The following NRXN3 variants were observed in gnomAD, a reference collection of about 807,000 sequenced individuals.
The protein encoded by NRXN3 is neurexin III.
Under a neutral mutation model 137.6 loss-of-function variants are expected in NRXN3, and 32 were observed. The ratio of observed to expected loss-of-function variants is 0.23; its 90% CI spans 0.18 to 0.31. NRXN3 has a LOEUF of 0.31. Ranked by LOEUF, NRXN3 falls within the 10% of genes least tolerant of loss-of-function variation. NRXN3 has a pLI of 1.00. For missense variants in NRXN3, 1,574 were observed against 2,062.5 expected (o/e 0.76, Z 4.59); for synonymous variants, 798 against 784.5 (o/e 1.02, Z -0.29).
intron 20 of NRXN3, among the ~76,000 whole-genome samples, chr14:79,806,963 T>TATATATATATATATATATATA (rs59533138): frequency 1.0e-4 from 2 of 19,632 alleles, no homozygotes; most frequent in African/African-American, 4.5e-4. Flanking sequence ...TATATATATA[T>TATATATATATATATATATATA]TTTTTTTTTT....
chr14:79,804,983 G>C (rs2099198258), intron 19 of NRXN3, 129 bp from the exon 20 acceptor site: 1 of 661,952 alleles, frequency 1.5e-6, no homozygotes, highest in African/African-American at 1.8e-5. Flanking sequence ...GCCCTCTCTA[G>C]AAAAATAATC....
chr14:79,427,538 C>T lies in NRXN3; in HGVS notation c.3263-39683C>T, dbSNP rs75594980. Among the ~76,000 whole-genome samples the T allele has an allele frequency of 2.4e-3, 372 of 152,210 alleles. 9 individuals carry two copies. In the East Asian group the frequency reaches 0.054, roughly 22 times the overall value. Reference sequence around the variant, plus strand: ...GGTGAGTAAAAAATTAAAGTCTGGACGCAGTGGCTCACGCCTGTAATCCCA... The same window carrying T: ...GGTGAGTAAAAAATTAAAGTCTGGATGCAGTGGCTCACGCCTGTAATCCCA... On this transcript the variant is annotated intron_variant, in intron 15 of 20. Transcript: ENST00000335750.
intron 15 of NRXN3, chr14:79,279,526 T>C (rs1414045169): frequency 1.3e-5 from 13 of 986,044 alleles, no homozygotes; most frequent in Non-Finnish European, 1.6e-5. Context: ...CCACGTTGGT[T>C]TGGGTGGCTG....
At chr14:79,857,341 C>T (rs899718233) in intron 20 of NRXN3, among the ~76,000 whole-genome samples, 16 of 152,146 alleles carry the variant, frequency 1.1e-4, no homozygotes, top group Admixed American at 5.9e-4. Flanking sequence ...CCTGCCTCAG[C>T]CTCCCCAGTA....
Position 79,863,134 on chromosome 14 carries a change from G to GTTCT in NRXN3, c.*1174_*1177dup, listed in dbSNP as rs1366511414. 1 of 152,452 alleles carries GTTCT rather than the reference G, an allele frequency of 6.6e-6. No homozygotes were observed. The highest frequency in any genetic ancestry group is 2.4e-5 in the African/African-American group (1 of 41,392). 9.4% of individuals were successfully genotyped at this position (152,452 alleles called of 1,614,324 possible). A position where few individuals can be genotyped will look rare whatever the true frequency, so the allele number is the denominator to read the frequency against. The stretch of plus-strand genomic sequence containing the variant: ...GTCATGCCAGAGTACAAAACACATA[G>GTTCT]TTCTTTCCCCGCCCCGAATGTGACA... On this transcript the variant is annotated 3_prime_UTR_variant, in exon 21 of 21. Transcript: ENST00000335750.
intron 15 of NRXN3, among the ~76,000 whole-genome samples, chr14:79,233,437 T>C (rs990380173): frequency 1.1e-4 from 17 of 152,234 alleles, no homozygotes; most frequent in Non-Finnish European, 2.2e-4. Context: ...AGCAAGACCC[T>C]CTTTAATCTA....
intron 10 of NRXN3, among the ~76,000 whole-genome samples, chr14:78,832,981 A>T (rs541838241): frequency 2.0e-5 from 3 of 152,298 alleles, no homozygotes; most frequent in Non-Finnish European, 4.4e-5. Flanking sequence ...CGCATAAAAC[A>T]TCTTTCCGGG....
intron 20 of NRXN3, among the ~76,000 whole-genome samples, chr14:79,849,649 T>C (rs1603619515): frequency 1.3e-5 from 2 of 152,264 alleles, no homozygotes; most frequent in Non-Finnish European, 2.9e-5. Flanking sequence ...CGTTGTACAC[T>C]GTGGGTGGGA....
intron 16 of NRXN3, among the ~76,000 whole-genome samples, chr14:79,609,891 T>A (rs1215708583): frequency 6.6e-6 from 1 of 151,600 alleles, no homozygotes; most frequent in Non-Finnish European, 1.5e-5. Flanking sequence ...AAGTGGGAGT[T>A]GAACAATGAG....
chr14:78,976,960 C>A (rs1008301119), intron 14 of NRXN3, among the ~76,000 whole-genome samples: 12 of 152,192 alleles, frequency 7.9e-5, no homozygotes, highest in African/African-American at 2.7e-4. Flanking sequence ...GTGACTACAA[C>A]CTTAGCTGAT....
chr14:78,591,586 G>A (rs2097117119), intron 4 of NRXN3, among the ~76,000 whole-genome samples: 1 of 152,198 alleles, frequency 6.6e-6, no homozygotes, highest in Admixed American at 6.5e-5. Flanking sequence ...GTTCTATGAT[G>A]CGATGTTTCT....
chr14:78,186,474 A>G (rs954489358), intron 1 of NRXN3, among the ~76,000 whole-genome samples: 2 of 152,250 alleles, frequency 1.3e-5, no homozygotes, highest in Non-Finnish European at 2.9e-5. Context: ...TGCCTTTGCA[A>G]CATTACCATT....
intron 3 of NRXN3, chr14:78,279,491 G>A (rs2074098918): frequency 6.6e-6 from 1 of 152,172 alleles, no homozygotes; most frequent in Non-Finnish European, 1.5e-5. Flanking sequence ...TAGGAAGGGA[G>A]CATCATTTCA....
chr14:78,536,313 T>G (rs957073018), intron 4 of NRXN3, among the ~76,000 whole-genome samples: 1 of 152,176 alleles, frequency 6.6e-6, no homozygotes. Context: ...TTTCCCTAGA[T>G]AGTAGCTGGC....
intron 15 of NRXN3, among the ~76,000 whole-genome samples, chr14:79,424,263 A>C (rs2095623171): frequency 6.6e-6 from 1 of 152,212 alleles, no homozygotes; most frequent in South Asian, 2.1e-4. Context: ...ACAAATATTA[A>C]TTCCTCAAAG....
chr14:78,949,430 C>G (rs866122035), intron 10 of NRXN3, among the ~76,000 whole-genome samples: 2 of 152,094 alleles, frequency 1.3e-5, no homozygotes, highest in African/African-American at 4.8e-5. Context: ...TTCTCTCCCC[C>G]TCAACCCATC....
At chr14:79,003,229 T>C (rs1409407213) in intron 15 of NRXN3, among the ~76,000 whole-genome samples, 1 of 152,152 alleles carries the variant, frequency 6.6e-6, no homozygotes, top group African/African-American at 2.4e-5. Context: ...ATTTTGGTTC[T>C]TGCCTGGAAT....
chr14:78,273,378 C>G (rs1178955719), intron 2 of NRXN3, among the ~76,000 whole-genome samples: 3 of 152,184 alleles, frequency 2.0e-5, no homozygotes, highest in Non-Finnish European at 4.4e-5. Context: ...ACATAGACAG[C>G]CCTCAGTCAA....
chr14:79,117,861 C>T lies in NRXN3; in HGVS notation c.3262+129720C>T, dbSNP rs115954456. ...TGTTGGGGTTGACAGAGACATGATC[C>T]CACCAAGGCCTGGGCTATGCTTGGA... On this transcript the variant is annotated intron_variant, in intron 15 of 20. Coordinates refer to ENST00000335750, the MANE Select transcript of NRXN3 (RefSeq NM_001330195.2). 6.1e-3 allele frequency among the ~76,000 whole-genome samples: 927 copies of T among 152,200 alleles called. 10 individuals are homozygous for T. Among genetic ancestry groups the T allele is most frequent in the African/African-American group, 0.021 (881 of 41,522 alleles).
Sources: gnomAD v4.1 joint callset for allele counts (sites outside exome capture counted in the v4.1 genomes callset) on GRCh38, gnomAD v4.1.1 for gene constraint, MANE v1.5 for transcripts, NCBI Gene and HGNC (gene_info 2026-07-23, HGNC 2026-07-21) for gene names.